The following RIMS3 variants were observed in gnomAD, a reference collection of about 807,000 sequenced individuals.
RIMS3 encodes regulating synaptic membrane exocytosis 3, also known as regulating synaptic membrane exocytosis protein 3.
A neutral mutation model predicts 29.2 loss-of-function variants in RIMS3; 15 were observed. The observed-to-expected ratio is 0.51, with a 90% CI of 0.34 to 0.79. The LOEUF (loss-of-function observed/expected upper bound fraction) is 0.79, where lower values mean the gene tolerates loss of function less well. RIMS3 is among the 30% of genes least tolerant of loss of function. RIMS3 has a pLI of 0.01. For synonymous variants in RIMS3, 161 were observed against 170.1 expected (o/e 0.95, Z 0.41); for missense variants, 342 against 421.4 (o/e 0.81, Z 1.65).
upstream of RIMS3, among the ~76,000 whole-genome samples, chr1:40,670,353 C>T (rs1399434208): frequency 6.6e-6 from 1 of 151,468 alleles, no homozygotes; most frequent in Non-Finnish European, 1.5e-5. Context: ...GAATGCTCCC[C>T]AAGGCATCCC....
Position 40,635,951 on chromosome 1 carries a change from G to A in RIMS3, c.324C>T (p.Thr108=), listed in dbSNP as rs373469565. ...AGCTGTTGCTGTTGGTGCTCCCATC[G>A]GTGGACTCCCGGCTGCCCTGGCGTG... ...RVTRQGSRES[T]DGSTNSNSSD... Residue 108 remains threonine, a synonymous_variant, in exon 4 of 8, where the codon ACC becomes ACT. Coordinates refer to ENST00000372684, the MANE Select transcript of RIMS3 (RefSeq NM_014747.3). This position sits in a 1 kb window ranked among gnomAD's most constrained non-coding sequence, Gnocchi z 4.1. 25 of 1,612,558 alleles carry A rather than the reference G, an allele frequency of 1.6e-5. No homozygotes were observed. The highest frequency in any genetic ancestry group is 2.7e-5 in the African/African-American group (2 of 74,914).
the RIMS3 span, among the ~76,000 whole-genome samples, chr1:40,674,889 G>C: frequency 6.6e-6 from 1 of 152,272 alleles, no homozygotes; most frequent in Non-Finnish European, 1.5e-5. Context: ...TGATATAGCA[G>C]CACAAAATGA....
rs1646430250 is a variant in RIMS3, at chr1:40,622,729, A to G, written c.*3788T>C. 2 of 152,824 alleles carry G rather than the reference A, an allele frequency of 1.3e-5. No homozygotes were observed. Among genetic ancestry groups the G allele is most frequent in the East Asian group, 1.9e-4 (1 of 5,184 alleles). 9.5% of individuals were successfully genotyped at this position (152,824 alleles called of 1,614,324 possible). On this transcript the variant is annotated 3_prime_UTR_variant, in exon 8 of 8. Transcript: ENST00000372684. ...GCAGAGTTTGCACAGTGCTAGAGGC[A>G]ACCAGAGAGACACAAAAGAGGAGCA...
At chr1:40,655,351 C>T (rs1642260724) in intron 1 of RIMS3, among the ~76,000 whole-genome samples, 1 of 152,032 alleles carries the variant, frequency 6.6e-6, no homozygotes, top group Non-Finnish European at 1.5e-5. Flanking sequence ...GCAGCCCCTA[C>T]TCCCCCCAGG....
intron 1 of RIMS3, among the ~76,000 whole-genome samples, chr1:40,660,491 C>T (rs1271733512): frequency 1.3e-5 from 2 of 151,776 alleles, no homozygotes; most frequent in Non-Finnish European, 2.9e-5. Flanking sequence ...GATCCTCCCA[C>T]CTCAGCCCCC....
chr1:40,660,668 G>A (rs2148361924), intron 1 of RIMS3, among the ~76,000 whole-genome samples: 1 of 152,080 alleles, frequency 6.6e-6, no homozygotes, highest in South Asian at 2.1e-4. Context: ...GCACTTTGAG[G>A]AGGTGTGAGC....
the RIMS3 span, among the ~76,000 whole-genome samples, chr1:40,684,611 A>T: frequency 7.3e-6 from 1 of 137,064 alleles, no homozygotes; most frequent in South Asian, 2.2e-4. Flanking sequence ...GGAAAACATG[A>T]GAAGCAAGGG....
intron 1 of RIMS3, among the ~76,000 whole-genome samples, chr1:40,649,274 G>C (rs149578024): frequency 3.3e-5 from 5 of 152,246 alleles, no homozygotes; most frequent in African/African-American, 1.2e-4. Context: ...ACAGACTTAT[G>C]TCAATGATAC....
intron 1 of RIMS3, among the ~76,000 whole-genome samples, chr1:40,661,330 G>C (rs977658320): frequency 6.6e-6 from 1 of 152,186 alleles, no homozygotes; most frequent in African/African-American, 2.4e-5. Context: ...GGGACAGTTA[G>C]TAATGCCCTC....
At position 40,620,729 on chromosome 1, in the gene RIMS3, T is replaced by G. The variant is rs1446383024; in HGVS notation, c.*5788A>C. 1 of 152,630 alleles carries G rather than the reference T, an allele frequency of 6.6e-6. No homozygotes were observed. Among genetic ancestry groups the G allele is most frequent in the African/African-American group, 2.4e-5 (1 of 41,438 alleles). 9.5% of individuals were successfully genotyped at this position (152,630 alleles called of 1,614,324 possible). On this transcript the variant is annotated 3_prime_UTR_variant, in exon 8 of 8. Coordinates refer to ENST00000372684, the MANE Select transcript of RIMS3 (RefSeq NM_014747.3). ...TGTTTTGCTGCCCAAATACTGTACA[T>G]GCAGAAGCCATGTGAAGAATTTTCT...
rs188732252 is a variant in RIMS3, at chr1:40,626,274, T to C, written c.*243A>G. 7.9e-4 allele frequency: 455 copies of C among 574,176 alleles called. 4 individuals carry two copies. The highest frequency in any genetic ancestry group is 7.6e-3 in the African/African-American group (404 of 53,446). 35.6% of individuals were successfully genotyped at this position (574,176 alleles called of 1,614,324 possible). On this transcript the variant is annotated 3_prime_UTR_variant, in exon 8 of 8. Transcript: ENST00000372684. ...CGTGGAGACATTTCAGCCCATATCA[T>C]CACCAGGAGTGACTATACCCAGACA...
At chr1:40,651,522 C>G (rs1004672510) in intron 1 of RIMS3, among the ~76,000 whole-genome samples, 2 of 152,176 alleles carry the variant, frequency 1.3e-5, no homozygotes, top group Non-Finnish European at 2.9e-5. Context: ...CTGTTTGTGG[C>G]GCTTTATTGC....
At chr1:40,682,434 C>A in the RIMS3 span, among the ~76,000 whole-genome samples, 1 of 152,170 alleles carries the variant, frequency 6.6e-6, no homozygotes, top group African/African-American at 2.4e-5. Context: ...CCACCTTTGG[C>A]TTCACACCCC....
chr1:40,668,971 A>G (rs1375745176), upstream of RIMS3: 1 of 152,148 alleles, frequency 6.6e-6, no homozygotes, highest in Non-Finnish European at 1.5e-5. Context: ...AGGGGCCGGG[A>G]AGTCCCGGAA....
At chr1:40,658,650 C>T (rs1642305188) in intron 1 of RIMS3, among the ~76,000 whole-genome samples, 1 of 152,204 alleles carries the variant, frequency 6.6e-6, no homozygotes, top group Admixed American at 6.5e-5. Flanking sequence ...TCTCTCTCTC[C>T]ATGTGGCTGA....
chr1:40,672,871 A>T, the RIMS3 span, among the ~76,000 whole-genome samples: 4 of 143,372 alleles, frequency 2.8e-5, no homozygotes, highest in Non-Finnish European at 6.0e-5. Flanking sequence ...CTCTGGAGAA[A>T]AAAAAAAAAA....
At chr1:40,643,494 T>TC (rs1553144175) in intron 2 of RIMS3, among the ~76,000 whole-genome samples, 1 of 150,984 alleles carries the variant, frequency 6.6e-6, no homozygotes, top group Non-Finnish European at 1.5e-5. Context: ...TTTTTTTTTT[T>TC]GAGATGGAGT....
chr1:40,662,886 G>A (rs1225125858), intron 1 of RIMS3, among the ~76,000 whole-genome samples: 1 of 152,166 alleles, frequency 6.6e-6, no homozygotes, highest in African/African-American at 2.4e-5. Flanking sequence ...GTTGGAAGCG[G>A]AAGGCATTAG....
At chr1:40,644,720 C>G (rs3820528) in intron 2 of RIMS3, among the ~76,000 whole-genome samples, 1 of 151,986 alleles carries the variant, frequency 6.6e-6, no homozygotes, top group Non-Finnish European at 1.5e-5. Context: ...TCAGGAAGAA[C>G]CCAACAAGGC....
Sources: gnomAD v4.1 joint callset for allele counts (sites outside exome capture counted in the v4.1 genomes callset) on GRCh38, gnomAD v4.1.1 for gene constraint, Gnocchi (gnomAD v3.1) non-coding constraint, MANE v1.5 for transcripts, NCBI Gene and HGNC (gene_info 2026-07-23, HGNC 2026-07-21) for gene names.